Variants in ACOXL observed in about 807,000 individuals in gnomAD.
ACOXL encodes acyl-CoA oxidase like.
Under a neutral mutation model 71.9 loss-of-function variants are expected in ACOXL, and 70 were observed. The ratio of observed to expected loss-of-function variants is 0.97; its 90% CI spans 0.80 to 1.19. The LOEUF (loss-of-function observed/expected upper bound fraction) is 1.19. Among genes scored for constraint, ACOXL ranks in the 50% most tolerant of loss-of-function variants. ACOXL has a pLI of 0.00. For missense variants in ACOXL, 703 were observed against 736.3 expected (o/e 0.95, Z 0.52); for synonymous variants, 253 against 281.6 (o/e 0.90, Z 1.02).
At chr2:110,759,184 G>C (rs1680065498) in intron 1 of ACOXL, among the ~76,000 whole-genome samples, 1 of 152,082 alleles carries the variant, frequency 6.6e-6, no homozygotes, top group African/African-American at 2.4e-5. Context: ...GTAGATATCT[G>C]TCAGGTCTAC....
chr2:111,019,609 T>C (rs1293568743), intron 14 of ACOXL, among the ~76,000 whole-genome samples: 1 of 152,238 alleles, frequency 6.6e-6, no homozygotes, highest in Non-Finnish European at 1.5e-5. Flanking sequence ...ATCAAACACG[T>C]ACCGTTTCCC....
chr2:110,970,225 A>G (rs965824675), intron 12 of ACOXL, among the ~76,000 whole-genome samples: 5 of 152,230 alleles, frequency 3.3e-5, no homozygotes, highest in Non-Finnish European at 5.9e-5. Context: ...ATGAATGTAG[A>G]TACAGAAATC....
At chr2:110,893,800 T>G (rs1314399293) in intron 10 of ACOXL, among the ~76,000 whole-genome samples, 1 of 152,180 alleles carries the variant, frequency 6.6e-6, no homozygotes, top group Non-Finnish European at 1.5e-5. Context: ...TACCTGTCTG[T>G]TTTTTTATTT....
At chr2:110,969,083 T>C (rs997241144) in intron 12 of ACOXL, among the ~76,000 whole-genome samples, 4 of 152,198 alleles carry the variant, frequency 2.6e-5, no homozygotes, top group Non-Finnish European at 5.9e-5. Flanking sequence ...ATAGGTTATA[T>C]AGGAAATTTT....
chr2:110,921,613 T>C (rs905840276), intron 11 of ACOXL, among the ~76,000 whole-genome samples: 4 of 152,136 alleles, frequency 2.6e-5, no homozygotes, highest in Admixed American at 1.3e-4. Flanking sequence ...CAGGATGGTC[T>C]CAATCTCCTG....
At chr2:110,847,864 G>C (rs1226626873) in intron 10 of ACOXL, among the ~76,000 whole-genome samples, 3 of 152,214 alleles carry the variant, frequency 2.0e-5, no homozygotes, top group African/African-American at 4.8e-5. Context: ...CAGACCCGGG[G>C]TGATTAAGCA....
rs116661830 is a variant in ACOXL, at chr2:110,886,362, T to C, written c.789-22427T>C. Among the ~76,000 whole-genome samples the C allele has an allele frequency of 2.0e-3, 298 of 151,192 alleles. 2 individuals carry two copies. Among genetic ancestry groups the C allele is most frequent in the African/African-American group, 7.1e-3 (293 of 41,278 alleles). ...CCCCACTGGCTTGGACTCTGGACTT[T>C]ACCCTATCCTTCTTTTTCTTTTTTT... On this transcript the variant is annotated intron_variant, in intron 10 of 17. Coordinates refer to ENST00000439055, the MANE Select transcript of ACOXL (RefSeq NM_001142807.4).
At chr2:110,774,275 C>A (rs967164279) in intron 2 of ACOXL, among the ~76,000 whole-genome samples, 38 of 152,184 alleles carry the variant, frequency 2.5e-4, no homozygotes, top group African/African-American at 9.2e-4. Context: ...ACATTTTTGT[C>A]TGGGAGGAGT....
rs1687259361 is a variant in ACOXL at position 110,811,063 on chromosome 2, T to TC, written c.753+5670dup. On this transcript the variant is annotated intron_variant, in intron 9 of 17. Coordinates refer to ENST00000439055, the MANE Select transcript of ACOXL (RefSeq NM_001142807.4). Reference sequence around the variant, plus strand: ...ATTTAATTATCTTCACCGGGTCCCTTCCATGACATGTGGAGATTATGGGAA... The same window carrying TC: ...ATTTAATTATCTTCACCGGGTCCCTTCCCATGACATGTGGAGATTATGGGAA... Among the ~76,000 whole-genome samples, 3 of 152,320 alleles carry TC rather than the reference T, an allele frequency of 2.0e-5. No homozygotes were observed. The South Asian group carries it at 6.2e-4, about 32-fold the overall frequency.
rs576288435 is a variant in ACOXL, at chr2:111,031,719, G to A, written c.1369+5G>A. The A allele has an allele frequency of 1.4e-4, 229 of 1,614,022 alleles. 3 individuals are homozygous for A. In the South Asian group the frequency reaches 2.3e-3, roughly 16 times the overall value. ...CCCTGGCACACACTCACCGAGGTCA[G>A]TTGGCTCCTGTTGAATATTTGTAAT... On this transcript the variant is annotated splice_donor_5th_base_variant and intron_variant, in intron 15 of 17. Coordinates refer to ENST00000439055, the MANE Select transcript of ACOXL (RefSeq NM_001142807.4).
chr2:110,912,866 A>T (rs1249844228), intron 11 of ACOXL, among the ~76,000 whole-genome samples: 2 of 152,238 alleles, frequency 1.3e-5, no homozygotes, highest in East Asian at 1.9e-4. Context: ...TGGTATATAC[A>T]TCTGGACTTG....
chr2:110,836,583 T>C (rs895153527), intron 9 of ACOXL, among the ~76,000 whole-genome samples: 2 of 152,226 alleles, frequency 1.3e-5, no homozygotes, highest in African/African-American at 4.8e-5. Flanking sequence ...TGCATGGTAT[T>C]CTGCCCATGT....
chr2:111,002,581 T>C (rs1053133087), intron 14 of ACOXL, among the ~76,000 whole-genome samples: 2 of 152,226 alleles, frequency 1.3e-5, no homozygotes, highest in Non-Finnish European at 2.9e-5. Flanking sequence ...GCTACAAAAT[T>C]GTTCTTTATA....
chr2:111,109,500 T>G (rs2069788548), intron 17 of ACOXL, among the ~76,000 whole-genome samples: 2 of 152,120 alleles, frequency 1.3e-5, no homozygotes, highest in African/African-American at 4.8e-5. Context: ...TTTTCAAGAT[T>G]ATTGATTTTT....
chr2:110,974,694 C>T (rs2062366207), intron 12 of ACOXL, among the ~76,000 whole-genome samples: 1 of 152,210 alleles, frequency 6.6e-6, no homozygotes, highest in Admixed American at 6.5e-5. Flanking sequence ...GTGTCCTCTT[C>T]CTGACTGATC....
At chr2:110,767,263 A>C (rs1015760654) in intron 1 of ACOXL, among the ~76,000 whole-genome samples, 2 of 152,190 alleles carry the variant, frequency 1.3e-5, no homozygotes, top group Non-Finnish European at 2.9e-5. Flanking sequence ...TTCATTGAGA[A>C]GTGGGCACCA....
Position 110,762,245 on chromosome 2 carries a change from TG to T in ACOXL, c.-22-6121del, listed in dbSNP as rs534530095. ...CTTGCTTATGTCACTATATCTGAAATGGATTTCTTGCAGATAGCATATTTTT... is the reference window on the plus strand; with the variant it reads ...CTTGCTTATGTCACTATATCTGAAATGATTTCTTGCAGATAGCATATTTTT... On this transcript the variant is annotated intron_variant, in intron 1 of 17. Transcript: ENST00000439055. 7.2e-4 allele frequency among the ~76,000 whole-genome samples: 110 copies of T among 152,324 alleles called. 1 individual carries two copies. Among genetic ancestry groups the T allele is most frequent in the African/African-American group, 2.6e-3 (108 of 41,584 alleles).
Position 111,118,339 on chromosome 2 carries a change from G to C in ACOXL, c.*523G>C, listed in dbSNP as rs2070490274. The C allele has an allele frequency of 6.5e-6, 1 of 154,968 alleles. No individual in the cohort carries two copies. Among genetic ancestry groups the C allele is most frequent in the African/African-American group, 2.4e-5 (1 of 41,488 alleles). The allele number at this position is 154,968 out of a possible 1,614,324, so 9.6% of individuals were successfully genotyped here. A position where few individuals can be genotyped will look rare whatever the true frequency, so the allele number is the denominator to read the frequency against. On this transcript the variant is annotated 3_prime_UTR_variant, in exon 18 of 18. Transcript: ENST00000439055. ...ATTTCAGTGAATCAGACGCTCTGGG[G>C]CTCTGCAAGGAAACGCACGGACTGG...
intron 14 of ACOXL, among the ~76,000 whole-genome samples, chr2:111,009,911 T>A (rs751184086): frequency 6.6e-6 from 1 of 152,142 alleles, no homozygotes; most frequent in Non-Finnish European, 1.5e-5. Context: ...AGCCAAAATA[T>A]ATTCTTCCTG....
Sources: gnomAD v4.1 joint callset for allele counts (sites outside exome capture counted in the v4.1 genomes callset) on GRCh38, gnomAD v4.1.1 for gene constraint, MANE v1.5 for transcripts, NCBI Gene and HGNC (gene_info 2026-07-23, HGNC 2026-07-21) for gene names.